The following RNF17 variants were observed in gnomAD, a reference collection of about 807,000 sequenced individuals.
RNF17 encodes the protein ring finger protein 17, also known as spermatogenesis associated 23.
In RNF17, 31 loss-of-function variants were observed where a neutral mutation model predicts 200.5. The observed-to-expected ratio is 0.15, with a 90% CI of 0.12 to 0.21. The LOEUF (loss-of-function observed/expected upper bound fraction) is 0.21. Ranked by LOEUF, RNF17 falls within the 10% of genes least tolerant of loss-of-function variation. The pLI is 1.00. For synonymous variants in RNF17, 606 were observed against 637.8 expected (o/e 0.95, Z 0.75); for missense variants, 1,628 against 1,905.1 (o/e 0.85, Z 2.71).
intron 15 of RNF17, among the ~76,000 whole-genome samples, chr13:24,806,966 A>T (rs1420156305): frequency 6.6e-6 from 1 of 151,758 alleles, no homozygotes; most frequent in African/African-American, 2.4e-5. Flanking sequence ...TGTCCCTACA[A>T]AGGACATGAA....
chr13:24,857,407 A>G (rs1056192180), intron 25 of RNF17, among the ~76,000 whole-genome samples: 4 of 152,170 alleles, frequency 2.6e-5, no homozygotes, highest in East Asian at 1.9e-4. Flanking sequence ...CTCTCCCAGC[A>G]TGGAAGAGAA....
intron 31 of RNF17, among the ~76,000 whole-genome samples, chr13:24,870,342 C>T (rs1171880441): frequency 6.6e-6 from 1 of 152,118 alleles, no homozygotes; most frequent in Non-Finnish European, 1.5e-5. Flanking sequence ...CCTCAGCCTT[C>T]CAAAGTGCTG....
At chr13:24,808,756 A>G (rs1234527945) in intron 15 of RNF17, among the ~76,000 whole-genome samples, 1 of 85,836 alleles carries the variant, frequency 1.2e-5, no homozygotes, top group African/African-American at 4.7e-5. Flanking sequence ...GTTTTTGCCC[A>G]TTCAGTATGA....
intron 24 of RNF17, among the ~76,000 whole-genome samples, chr13:24,851,831 C>T (rs1891925604): frequency 6.6e-6 from 1 of 152,176 alleles, no homozygotes; most frequent in East Asian, 1.9e-4. Context: ...TTGACATTTA[C>T]ACTGTAAACC....
Position 24,793,044 on chromosome 13 carries a change from G to A in RNF17, c.938G>A (p.Cys313Tyr), listed in dbSNP as rs1399827391. The change falls in exon 10 of 36, where the codon TGT (cysteine) becomes TAT (tyrosine). Residue 313 changes from cysteine (C) to tyrosine (Y), a missense_variant and splice_region_variant. This residue lies in a region of RNF17 where 502 missense variants were observed against 501.7 expected (regional missense o/e 1.00). Coordinates refer to ENST00000255324, the MANE Select transcript of RNF17 (RefSeq NM_031277.3). ...GKIEFRDSTK[C>Y]YPQENEIRQN... ...TATATCTCTGTATTTTTAAACAGATGTTATCCCCAAGAAAATGAAATTAGA... is the reference window on the plus strand; with the variant it reads ...TATATCTCTGTATTTTTAAACAGATATTATCCCCAAGAAAATGAAATTAGA... 1 of 1,558,932 alleles carries A rather than the reference G, an allele frequency of 6.4e-7. No homozygotes were observed. Among genetic ancestry groups the A allele is most frequent in the African/African-American group, 1.4e-5 (1 of 72,682 alleles).
chr13:24,818,887 GTAAT>G (rs1887709223), intron 15 of RNF17, among the ~76,000 whole-genome samples: 1 of 151,968 alleles, frequency 6.6e-6, no homozygotes, highest in Non-Finnish European at 1.5e-5. Flanking sequence ...TACATTTAAA[GTAAT>G]TACTGATAAG....
At chr13:24,762,628 G>A (rs534691937), upstream of RNF17, among the ~76,000 whole-genome samples, 1 of 152,198 alleles carries the variant, frequency 6.6e-6, no homozygotes, top group East Asian at 1.9e-4. Flanking sequence ...TTTTTGAGCC[G>A]AAGTGAGCCT....
chr13:24,786,988 T>A (rs1883194490), intron 6 of RNF17, among the ~76,000 whole-genome samples: 1 of 152,174 alleles, frequency 6.6e-6, no homozygotes, highest in Non-Finnish European at 1.5e-5. Flanking sequence ...TACCTTAGAC[T>A]CTGTTTACTT....
rs1881866040 is a variant in RNF17 at position 24,778,339 on chromosome 13, T to G, written c.362T>G (p.Leu121Arg). 2 of 1,613,408 alleles carry G rather than the reference T, an allele frequency of 1.2e-6. No homozygotes were observed. Among genetic ancestry groups the G allele is most frequent in the South Asian group, 2.2e-5 (2 of 91,074 alleles). ...SQDFKKTADQ[L>R]TTGLERSAST... ...GACTTTAAGAAGACTGCTGATCAGCTAACTACTGGTTTAGAACGTTCAGCC... is the reference window on the plus strand; with the variant it reads ...GACTTTAAGAAGACTGCTGATCAGCGAACTACTGGTTTAGAACGTTCAGCC... Residue 121 changes from leucine to arginine, a missense_variant, in exon 4 of 36, where the codon CTA (leucine) becomes CGA (arginine). Physicochemically the swap from Leu to Arg is moderately radical, Grantham distance 102. Transcript: ENST00000255324.
chr13:24,872,291 A>G (rs1057363671), intron 32 of RNF17, among the ~76,000 whole-genome samples: 1 of 152,164 alleles, frequency 6.6e-6, no homozygotes, highest in African/African-American at 2.4e-5. Flanking sequence ...GAAATTGTCT[A>G]TAACTCTTTA....
intron 20 of RNF17, 132 bp from the exon 21 acceptor site, chr13:24,844,520 T>G: frequency 1.4e-6 from 1 of 714,238 alleles, no homozygotes; most frequent in Admixed American, 2.6e-5. Context: ...GAAATACACT[T>G]GTACATTCAA....
downstream of RNF17, chr13:24,884,355 C>T (rs1555294652): frequency 6.2e-7 from 1 of 1,614,160 alleles, no homozygotes; most frequent in South Asian, 1.1e-5. Flanking sequence ...TGCTTCACGT[C>T]ACCATTAAAG....
chr13:24,797,705 A>AGAGTGTGTGT (rs1555269365), intron 11 of RNF17, among the ~76,000 whole-genome samples: 1 of 119,048 alleles, frequency 8.4e-6, no homozygotes. Context: ...AGAGACAAAG[A>AGAGTGTGTGT]GTGTGTGTGT....
At chr13:24,786,589 T>C (rs1883138842) in intron 6 of RNF17, among the ~76,000 whole-genome samples, 1 of 152,206 alleles carries the variant, frequency 6.6e-6, no homozygotes, top group Non-Finnish European at 1.5e-5. Flanking sequence ...GAAAGTCTAC[T>C]GGTAATGAAC....
At chr13:24,767,622 C>G (rs758539608) in intron 2 of RNF17, among the ~76,000 whole-genome samples, 3 of 152,002 alleles carry the variant, frequency 2.0e-5, no homozygotes, top group African/African-American at 4.8e-5. Flanking sequence ...GTGGTGCACA[C>G]CTGTAGTCCC....
chr13:24,831,860 A>G lies in RNF17; in HGVS notation c.2364A>G (p.Ala788=). 6.3e-7 allele frequency: 1 copy of G among 1,593,426 alleles called. No homozygotes were observed. The highest frequency in any genetic ancestry group is 8.5e-7 in the Non-Finnish European group (1 of 1,175,084). The change falls in exon 18 of 36, where the codon GCA becomes GCG. Residue 788 remains alanine (A), a splice_region_variant and synonymous_variant. Coordinates refer to ENST00000255324, the MANE Select transcript of RNF17 (RefSeq NM_031277.3). ...KDEFLNAPEK[A]IKCKLAYIEP... ...TGGTGGAATTTTGTCTGACACAGGC[A>G]ATTAAATGTAAGTTGGCCTATATTG...
At chr13:24,811,804 G>A (rs200257871) in intron 15 of RNF17, among the ~76,000 whole-genome samples, 21,642 of 151,952 alleles carry the variant, frequency 0.14, 2,025 homozygotes, top group Admixed American at 0.26. Flanking sequence ...TGATGGTGAT[G>A]TACAGATGGG....
intron 30 of RNF17, 75 bp downstream of exon 30, chr13:24,866,278 C>G: frequency 1.3e-6 from 1 of 781,342 alleles, no homozygotes. Flanking sequence ...GGACAGAAAG[C>G]TCTCTTTTAT....
intron 16 of RNF17, chr13:24,826,018 CAG>C (rs1888584056): frequency 1.0e-6 from 1 of 984,614 alleles, no homozygotes. Context: ...AACAAAGCAA[CAG>C]AAATTAATTA....
Sources: allele counts gnomAD v4.1 joint callset (sites outside exome capture counted in the v4.1 genomes callset), GRCh38; gene constraint gnomAD v4.1.1; regional missense constraint gnomAD v4.1.1; transcripts MANE v1.5; gene names NCBI Gene and HGNC (gene_info 2026-07-23, HGNC 2026-07-21).